ABCC11: variants seen among roughly 807,000 people sequenced by gnomAD.
ABCC11 encodes ATP-binding cassette sub-family C member 11.
ABCC11 carries 135 observed loss-of-function variants against 149.3 expected under a neutral mutation model. The observed-to-expected ratio is 0.90, with a 90% CI of 0.79 to 1.04. The LOEUF (loss-of-function observed/expected upper bound fraction) is 1.04, where lower values mean the gene tolerates loss of function less well. ABCC11 is among the 50% of genes least tolerant of loss of function. ABCC11 has a pLI of 0.00. For synonymous variants in ABCC11, 665 were observed against 671.4 expected (o/e 0.99, Z 0.15); for missense variants, 1,680 against 1,722.1 (o/e 0.98, Z 0.43).
At chr16:48,189,285 T>A (rs1237021091) in intron 20 of ABCC11, among the ~76,000 whole-genome samples, 3 of 152,190 alleles carry the variant, frequency 2.0e-5, no homozygotes, top group African/African-American at 7.2e-5. Flanking sequence ...AGCTCCACTG[T>A]GGGTGAGGAA....
At chr16:48,169,604 A>C (rs1250460410) in intron 28 of ABCC11, among the ~76,000 whole-genome samples, 1 of 152,076 alleles carries the variant, frequency 6.6e-6, no homozygotes, top group East Asian at 1.9e-4. Context: ...GGATGAGTTC[A>C]TGTCCTTTGT....
In ABCC11 at chr16:48,196,260, G is replaced by C. The variant is rs748004998; in HGVS notation, c.2376C>G (p.Val792=). The C allele has an allele frequency of 5.0e-6, 8 of 1,614,160 alleles. No homozygotes were observed. In the South Asian group the frequency reaches 8.8e-5, roughly 18 times the overall value. ...CAGCTGCCTGGATGTAGTGGTGGTA[G>C]ACCCTCCAACTCAAGGAGCCTTCTT... ...EMEEGSLSWR[V]YHHYIQAAGG... is the part of the protein sequence containing the mutation. The change falls in exon 18 of 30, where the codon GTC becomes GTG. Residue 792 remains valine, a synonymous_variant. Transcript: ENST00000356608.
At chr16:48,189,353 G>A (rs920595913) in intron 20 of ABCC11, among the ~76,000 whole-genome samples, 2 of 152,220 alleles carry the variant, frequency 1.3e-5, no homozygotes, top group Non-Finnish European at 2.9e-5. Flanking sequence ...TGGCGACAAA[G>A]GGAAAATGGT....
chr16:48,233,497 G>T (rs1293329918), intron 1 of ABCC11, among the ~76,000 whole-genome samples: 1 of 152,180 alleles, frequency 6.6e-6, no homozygotes, highest in South Asian at 2.1e-4. Context: ...GAGAGAAGGA[G>T]GTGTATTAGA....
intron 7 of ABCC11, 112 bp from the exon 8 acceptor site, chr16:48,215,456 G>A (rs1213679043): frequency 7.7e-7 from 1 of 1,296,450 alleles, no homozygotes; most frequent in African/African-American, 1.5e-5. Context: ...TCCAAAGAGA[G>A]GTTTTCCAAT....
chr16:48,184,343 G>A, intron 23 of ABCC11, 97 bp downstream of exon 23: 2 of 1,422,314 alleles, frequency 1.4e-6, no homozygotes, highest in African/African-American at 1.4e-5. Flanking sequence ...AGCCTAAGGT[G>A]TCATTGAACA....
chr16:48,231,523 C>T (rs1476647545), intron 2 of ABCC11, among the ~76,000 whole-genome samples: 1 of 151,532 alleles, frequency 6.6e-6, no homozygotes, highest in African/African-American at 2.4e-5. Context: ...ATTAGCTGGG[C>T]GTAGTGGTAT....
At position 48,240,361 on chromosome 16, in the gene ABCC11, T is replaced by G. The variant is rs560603397; in HGVS notation, c.-19+6953A>C. ...ATGCAGCCATGAAAAGGAATGAGAT[T>G]ACGTCCATTGCAGGGACATGGATGG... On this transcript the variant is annotated intron_variant, in intron 1 of 29. Transcript: ENST00000356608. Among the ~76,000 whole-genome samples the G allele has an allele frequency of 7.2e-5, 11 of 152,310 alleles. 1 individual carries two copies. The South Asian group carries it at 2.3e-3, about 32-fold the overall frequency.
chr16:48,181,744 G>A (rs1966449054), intron 23 of ABCC11, among the ~76,000 whole-genome samples: 1 of 152,108 alleles, frequency 6.6e-6, no homozygotes, highest in Non-Finnish European at 1.5e-5. Context: ...CTGAGTAGCT[G>A]GGACTATAGG....
intron 4 of ABCC11, among the ~76,000 whole-genome samples, chr16:48,225,322 G>C (rs1281050463): frequency 1.3e-5 from 2 of 152,218 alleles, no homozygotes; most frequent in Non-Finnish European, 2.9e-5. Flanking sequence ...TCTTTATAGA[G>C]TTAGTTTCTC....
chr16:48,243,393 C>A (rs1971109429), intron 1 of ABCC11, among the ~76,000 whole-genome samples: 1 of 132,602 alleles, frequency 7.5e-6, no homozygotes, highest in Admixed American at 7.7e-5. Flanking sequence ...CAGAGCGAGA[C>A]TCCGTCTCAA....
intron 18 of ABCC11, among the ~76,000 whole-genome samples, 170 bp from the exon 19 acceptor site, chr16:48,194,152 T>C (rs1442012387): frequency 3.3e-5 from 5 of 152,154 alleles, no homozygotes; most frequent in Non-Finnish European, 5.9e-5. Context: ...CAGAGAGCCC[T>C]GGGTTCAAAT....
chr16:48,214,250 GC>G (rs1456303087), intron 9 of ABCC11, among the ~76,000 whole-genome samples: 1 of 151,600 alleles, frequency 6.6e-6, no homozygotes, highest in Non-Finnish European at 1.5e-5. Flanking sequence ...CTTCTATAGC[GC>G]CCCCAACACC....
chr16:48,206,823 G>A (rs1487207109), intron 12 of ABCC11, among the ~76,000 whole-genome samples: 4 of 152,196 alleles, frequency 2.6e-5, no homozygotes, highest in Non-Finnish European at 4.4e-5. Context: ...AGAACCTCAC[G>A]TACTCATCTG....
chr16:48,196,771 G>T (rs2150803721), intron 17 of ABCC11, among the ~76,000 whole-genome samples: 1 of 152,320 alleles, frequency 6.6e-6, no homozygotes, highest in African/African-American at 2.4e-5. Flanking sequence ...TCACAAAACA[G>T]CCCTGACACA....
chr16:48,182,809 G>T (rs1273598321), intron 23 of ABCC11, among the ~76,000 whole-genome samples: 5 of 151,558 alleles, frequency 3.3e-5, no homozygotes, highest in Non-Finnish European at 7.4e-5. Context: ...AGGAACATGT[G>T]GTTCGGGATA....
At chr16:48,177,283 G>A (rs556521347) in intron 24 of ABCC11, among the ~76,000 whole-genome samples, 170 bp from the exon 25 acceptor site, 6 of 152,252 alleles carry the variant, frequency 3.9e-5, no homozygotes, top group South Asian at 2.1e-4. Flanking sequence ...TGCCCCCATC[G>A]CCTAAAACAT....
intron 24 of ABCC11, 78 bp downstream of exon 24, chr16:48,178,519 A>G: frequency 7.2e-7 from 1 of 1,379,404 alleles, no homozygotes; most frequent in Non-Finnish European, 1.0e-6. Flanking sequence ...CTCTGAGGCC[A>G]GTGGGGCTTG....
chr16:48,211,123 TC>T lies in ABCC11; in HGVS notation c.1432del (p.Glu478ArgfsTer30). On this transcript the variant is annotated frameshift_variant, in exon 11 of 30. Transcript: ENST00000356608. LOFTEE classifies it high-confidence loss of function. ...GGTCTGTTGCCATGACAAGGTGGCC[TC>T]CTCAAAGACCAGAGCTTTGCTGGGG... ...QDPSKALVFE[E>X]ATLSWQQTCP... is the part of the protein sequence containing the mutation. 1 of 1,614,140 alleles carries T rather than the reference TC, an allele frequency of 6.2e-7. No homozygotes were observed. The highest frequency in any genetic ancestry group is 8.5e-7 in the Non-Finnish European group (1 of 1,180,022).
Sources: gnomAD v4.1 joint callset for allele counts (sites outside exome capture counted in the v4.1 genomes callset) on GRCh38, gnomAD v4.1.1 for gene constraint, MANE v1.5 for transcripts, NCBI Gene and HGNC (gene_info 2026-07-23, HGNC 2026-07-21) for gene names.